ZNF704: variants seen among roughly 807,000 people sequenced by gnomAD.
ZNF704 encodes the protein zinc finger protein 704, also known as glucocorticoid induced gene 1.
In ZNF704, 10 loss-of-function variants were observed where a neutral mutation model predicts 44.7. The ratio of observed to expected loss-of-function variants is 0.22; its 90% CI spans 0.14 to 0.38. ZNF704 has a LOEUF of 0.38. Ranked by LOEUF, ZNF704 falls within the 10% of genes least tolerant of loss-of-function variation. The pLI is 1.00. For missense variants in ZNF704, 390 were observed against 545.5 expected (o/e 0.71, Z 2.84); for synonymous variants, 211 against 207.6 (o/e 1.02, Z -0.14).
chr8:80,806,802 AC>A (rs1407788413), intron 2 of ZNF704, among the ~76,000 whole-genome samples: 1 of 152,204 alleles, frequency 6.6e-6, no homozygotes, highest in Admixed American at 6.5e-5. Context: ...AAAGGCTGAC[AC>A]CAAACAGAGC....
rs1328037738 is a variant in ZNF704, at chr8:80,631,480, C to T, written c.*9886G>A. On this transcript the variant is annotated 3_prime_UTR_variant, in exon 9 of 9. Transcript: ENST00000327835. ...ACTAAAGGCCAATTCTGCTTTCATGCTCTGTAATTGTGGGCAGAAGTCAGA... is the reference window on the plus strand; with the variant it reads ...ACTAAAGGCCAATTCTGCTTTCATGTTCTGTAATTGTGGGCAGAAGTCAGA... 1 of 152,190 alleles carries T rather than the reference C, an allele frequency of 6.6e-6. No homozygotes were observed. The highest frequency in any genetic ancestry group is 6.5e-5 in the Admixed American group (1 of 15,284). 9.4% of individuals were successfully genotyped at this position (152,190 alleles called of 1,614,324 possible). A position where few individuals can be genotyped will look rare whatever the true frequency, so the allele number is the denominator to read the frequency against.
chr8:80,697,714 C>T (rs1818747684), intron 2 of ZNF704, among the ~76,000 whole-genome samples: 1 of 152,224 alleles, frequency 6.6e-6, no homozygotes. Context: ...CAGCATGAGC[C>T]TCAGCCACAG....
intron 7 of ZNF704, among the ~76,000 whole-genome samples, chr8:80,653,159 G>T (rs1401813435): frequency 6.6e-6 from 1 of 152,084 alleles, no homozygotes; most frequent in Non-Finnish European, 1.5e-5. Context: ...GGTATTGATG[G>T]GACATATCTC....
intron 2 of ZNF704, among the ~76,000 whole-genome samples, chr8:80,803,859 T>G (rs1248053260): frequency 6.6e-6 from 1 of 152,192 alleles, no homozygotes; most frequent in Non-Finnish European, 1.5e-5. Context: ...AAAGAGCTTC[T>G]GTACAGCAAA....
intron 2 of ZNF704, among the ~76,000 whole-genome samples, chr8:80,816,450 G>A (rs1808177956): frequency 2.0e-5 from 3 of 152,188 alleles, no homozygotes; most frequent in African/African-American, 7.2e-5. Flanking sequence ...GCAAATGAAT[G>A]AAGTACTGAC....
intron 4 of ZNF704, among the ~76,000 whole-genome samples, chr8:80,686,626 C>T (rs1818542287): frequency 6.6e-6 from 1 of 152,010 alleles, no homozygotes; most frequent in African/African-American, 2.4e-5. Flanking sequence ...CTCCTGGTCT[C>T]AAGCAATCTT....
chr8:80,849,478 C>T lies in ZNF704; in HGVS notation c.-22+25093G>A, dbSNP rs939242676. 4.6e-5 allele frequency among the ~76,000 whole-genome samples: 7 copies of T among 152,182 alleles called. No homozygotes were observed. The South Asian group carries it at 1.0e-3, about 23-fold the overall frequency. On this transcript the variant is annotated intron_variant, in intron 1 of 8. Transcript: ENST00000327835. ...ATAAACCACACACAACAAATCTATCCCATCAGAGGTGGAATTTATTTCCCA... is the reference window on the plus strand; with the variant it reads ...ATAAACCACACACAACAAATCTATCTCATCAGAGGTGGAATTTATTTCCCA...
At chr8:80,788,674 G>A (rs968696928) in intron 2 of ZNF704, among the ~76,000 whole-genome samples, 19 of 152,286 alleles carry the variant, frequency 1.2e-4, no homozygotes, top group African/African-American at 4.1e-4. Flanking sequence ...GAAGGAAGGC[G>A]GAGCATGAAG....
intron 2 of ZNF704, among the ~76,000 whole-genome samples, chr8:80,738,898 C>A (rs557919738): frequency 2.0e-4 from 31 of 152,262 alleles, no homozygotes; most frequent in African/African-American, 6.7e-4. Flanking sequence ...TGGTCAATCC[C>A]TTTATGCTCA....
rs572534362 is a variant in ZNF704, at chr8:80,821,356, G to A, written c.221+18C>T. 5.0e-6 allele frequency: 8 copies of A among 1,611,136 alleles called. No individual in the cohort carries two copies. Among genetic ancestry groups the A allele is most frequent in the Non-Finnish European group, 6.8e-6 (8 of 1,177,638 alleles). On this transcript the variant is annotated intron_variant, in intron 2 of 8. Coordinates refer to ENST00000327835, the MANE Select transcript of ZNF704 (RefSeq NM_001033723.3). ...AACTTCCTGGGGCAGACACATGTGA[G>A]ATTTAATGTTCCCTTACCTTGCTGG...
chr8:80,815,429 C>T (rs1237506335), intron 2 of ZNF704, among the ~76,000 whole-genome samples: 6 of 152,202 alleles, frequency 3.9e-5, no homozygotes, highest in Non-Finnish European at 8.8e-5. Context: ...CGAATTTAAG[C>T]ATCAGTACCT....
intron 7 of ZNF704, among the ~76,000 whole-genome samples, chr8:80,645,452 C>G (rs543350621): frequency 6.6e-6 from 1 of 152,234 alleles, no homozygotes; most frequent in East Asian, 1.9e-4. Flanking sequence ...GGATGTGTGT[C>G]TCTGCCTGAA....
At chr8:80,656,285 C>T (rs546303939) in intron 7 of ZNF704, among the ~76,000 whole-genome samples, 6 of 152,226 alleles carry the variant, frequency 3.9e-5, no homozygotes, top group East Asian at 3.9e-4. Context: ...TTGGCCGACA[C>T]GTTGATTTGG....
chr8:80,812,687 GTC>G (rs1347097458), intron 2 of ZNF704: 2 of 152,200 alleles, frequency 1.3e-5, no homozygotes, highest in African/African-American at 4.8e-5. Context: ...CTCTGGCACT[GTC>G]TCTATGGAGT....
At chr8:80,785,658 T>C (rs1350712178) in intron 2 of ZNF704, among the ~76,000 whole-genome samples, 2 of 152,220 alleles carry the variant, frequency 1.3e-5, no homozygotes, top group African/African-American at 4.8e-5. Context: ...TTCTGTTAGA[T>C]CTTGTGCTCC....
At chr8:80,882,772 T>G in the ZNF704 span, among the ~76,000 whole-genome samples, 1 of 152,198 alleles carries the variant, frequency 6.6e-6, no homozygotes, top group Non-Finnish European at 1.5e-5. Context: ...TTTTACTTGC[T>G]TATGTCACAT....
chr8:80,649,944 G>A (rs1409106223), intron 7 of ZNF704, among the ~76,000 whole-genome samples: 5 of 152,142 alleles, frequency 3.3e-5, no homozygotes, highest in Admixed American at 6.6e-5. Flanking sequence ...TCACACGGCC[G>A]GGTACTTCTC....
At chr8:80,762,890 G>A (rs942366865) in intron 2 of ZNF704, among the ~76,000 whole-genome samples, 4 of 152,216 alleles carry the variant, frequency 2.6e-5, no homozygotes, top group Admixed American at 2.6e-4. Flanking sequence ...AATGGGAGAA[G>A]CTGGCCAAAA....
intron 6 of ZNF704, among the ~76,000 whole-genome samples, chr8:80,664,253 T>C (rs1215068787): frequency 5.3e-5 from 8 of 149,694 alleles, no homozygotes; most frequent in Non-Finnish European, 7.4e-5. Flanking sequence ...CACGCCACCA[T>C]GCCCAGATAA....
Sources: gnomAD v4.1 joint callset for allele counts (sites outside exome capture counted in the v4.1 genomes callset) on GRCh38, gnomAD v4.1.1 for gene constraint, MANE v1.5 for transcripts, NCBI Gene and HGNC (gene_info 2026-07-23, HGNC 2026-07-21) for gene names.